EHBP1: variants seen among roughly 807,000 people sequenced by gnomAD.
The protein encoded by EHBP1 is EH domain-binding protein 1.
In EHBP1, 55 loss-of-function variants were observed where a neutral mutation model predicts 144.0. That is an observed-to-expected ratio of 0.38 (90% confidence interval 0.31 to 0.48). The LOEUF (loss-of-function observed/expected upper bound fraction) is 0.48. Among genes scored for constraint, EHBP1 ranks in the 20% least tolerant of loss-of-function variants. EHBP1 has a pLI of 0.98. For synonymous variants in EHBP1, 469 were observed against 472.7 expected, an observed-to-expected ratio of 0.99 and a Z score of 0.10; for missense variants, 1,200 against 1,364.2, an observed-to-expected ratio of 0.88 and a Z score of 1.90.
At chr2:62,853,676 A>C (rs1488086103) in intron 7 of EHBP1, among the ~76,000 whole-genome samples, 1 of 152,206 alleles carries the variant, frequency 6.6e-6, no homozygotes, top group East Asian at 1.9e-4. Context: ...AGGAATCACT[A>C]CCTATGAGAG....
chr2:62,958,759 C>T (rs2057848606), intron 14 of EHBP1, among the ~76,000 whole-genome samples: 1 of 151,962 alleles, frequency 6.6e-6, no homozygotes, highest in Admixed American at 6.6e-5. Flanking sequence ...ACGTAGTATG[C>T]TAAGAATAAA....
intron 5 of EHBP1, among the ~76,000 whole-genome samples, chr2:62,806,320 A>T (rs1044650155): frequency 1.3e-5 from 2 of 151,316 alleles, no homozygotes; most frequent in African/African-American, 2.4e-5. Flanking sequence ...TGTTCTTTAT[A>T]TCTGTTTTTG....
intron 8 of EHBP1, among the ~76,000 whole-genome samples, chr2:62,862,296 C>T (rs114939515): frequency 0.014 from 2,130 of 152,168 alleles, 58 homozygotes; most frequent in African/African-American, 0.049. Flanking sequence ...GTACAGTATA[C>T]GTGGTTTGAC....
intron 2 of EHBP1, among the ~76,000 whole-genome samples, chr2:62,731,202 T>G (rs2037563715): frequency 6.6e-6 from 1 of 151,888 alleles, no homozygotes; most frequent in Admixed American, 6.5e-5. Context: ...CAATTCCAAT[T>G]GGTAAATTCC....
At chr2:62,833,034 T>G (rs939433991) in intron 7 of EHBP1, among the ~76,000 whole-genome samples, 1 of 152,098 alleles carries the variant, frequency 6.6e-6, no homozygotes, top group African/African-American at 2.4e-5. Context: ...TCTACCCCAG[T>G]GAACACAGAA....
intron 10 of EHBP1, among the ~76,000 whole-genome samples, chr2:62,879,502 A>G (rs1020151125): frequency 2.0e-5 from 3 of 151,254 alleles, no homozygotes; most frequent in Non-Finnish European, 4.4e-5. Context: ...TCTATATAAC[A>G]TTCAAGCTGA....
intron 9 of EHBP1, among the ~76,000 whole-genome samples, chr2:62,874,111 C>G (rs2050694222): frequency 6.6e-6 from 1 of 152,012 alleles, no homozygotes; most frequent in Non-Finnish European, 1.5e-5. Flanking sequence ...ATAGTTTGAG[C>G]TGAATGTGAC....
intron 5 of EHBP1, 140 bp downstream of exon 5, chr2:62,771,532 T>C: frequency 5.0e-6 from 3 of 597,716 alleles, no homozygotes; most frequent in Non-Finnish European, 8.4e-6. Flanking sequence ...AGAATGTTTT[T>C]AATGAAATGA....
rs570216264 is a variant in EHBP1, at chr2:62,884,630, A to G, written c.1185+10098A>G. Among the ~76,000 whole-genome samples the G allele has an allele frequency of 4.1e-4, 63 of 152,350 alleles. No homozygotes were observed. The South Asian group carries it at 0.012, about 28-fold the overall frequency. On this transcript the variant is annotated intron_variant, in intron 10 of 22. Transcript: ENST00000431489. ...TTGCCAAACCAAAAGGAAGGAAATC[A>G]CCAACTACACAATTATGTGTGAGAT...
At chr2:62,849,689 A>T (rs934977912) in intron 7 of EHBP1, among the ~76,000 whole-genome samples, 5 of 152,170 alleles carry the variant, frequency 3.3e-5, no homozygotes, top group Non-Finnish European at 7.4e-5. Flanking sequence ...AAGTATTATG[A>T]CTCATTCGGT....
Position 63,032,261 on chromosome 2 carries a change from TA to T in EHBP1, c.3104-5259del, listed in dbSNP as rs920748022. Among the ~76,000 whole-genome samples the T allele has an allele frequency of 6.3e-3, 845 of 135,000 alleles. 3 individuals are homozygous for T. The highest frequency in any genetic ancestry group is 0.011 in the Middle Eastern group (3 of 266). 88.6% of individuals were successfully genotyped at this position (135,000 alleles called of 152,430 possible). A position where few individuals can be genotyped will look rare whatever the true frequency, so the allele number is the denominator to read the frequency against. ...TAAAAAATAAATAAATAAAATGATT[TA>T]AAAAAAAAAAAAAAGGTCAGTTCAG... On this transcript the variant is annotated intron_variant, in intron 19 of 22. Transcript: ENST00000431489.
chr2:62,709,184 G>A (rs569519735), intron 2 of EHBP1, among the ~76,000 whole-genome samples: 15 of 152,124 alleles, frequency 9.9e-5, no homozygotes, highest in Non-Finnish European at 2.2e-4. Flanking sequence ...CAGTGGCAAA[G>A]GGAATGGAGA....
intron 2 of EHBP1, among the ~76,000 whole-genome samples, chr2:62,744,552 G>C (rs868629538): frequency 6.6e-6 from 1 of 151,900 alleles, no homozygotes; most frequent in African/African-American, 2.4e-5. Flanking sequence ...TTAAATAGTC[G>C]ACTGATTTCT....
rs796484641 is a variant in EHBP1 at position 62,692,763 on chromosome 2, TAGTA to T, written c.-295-14133_-295-14130del. 4.5e-4 allele frequency among the ~76,000 whole-genome samples: 68 copies of T among 152,180 alleles called. 1 individual carries two copies. The highest frequency in any genetic ancestry group is 1.5e-3 in the African/African-American group (61 of 41,536). On this transcript the variant is annotated intron_variant, in intron 1 of 22. Coordinates refer to the EHBP1 transcript ENST00000405015. ...TTTTTTTTTAATTTTTGTGGGCACA[TAGTA>T]GGTGTATATATTTATGGGGTACCTG... is the stretch of plus-strand genomic sequence containing the variant.
intron 19 of EHBP1, among the ~76,000 whole-genome samples, chr2:63,014,449 A>G (rs2060400174): frequency 6.6e-6 from 1 of 152,248 alleles, no homozygotes; most frequent in Non-Finnish European, 1.5e-5. Flanking sequence ...GGGCATAAAT[A>G]ACAACATAAA....
intron 10 of EHBP1, among the ~76,000 whole-genome samples, chr2:62,904,763 C>T (rs1264923599): frequency 6.6e-6 from 1 of 152,196 alleles, no homozygotes; most frequent in Non-Finnish European, 1.5e-5. Context: ...AAGACTATTA[C>T]TCTAACTTTT....
chr2:62,804,596 T>C (rs1446537903), intron 5 of EHBP1, among the ~76,000 whole-genome samples: 2 of 152,226 alleles, frequency 1.3e-5, no homozygotes, highest in African/African-American at 4.8e-5. Flanking sequence ...AACTAACGTA[T>C]ATTTAAAATC....
intron 8 of EHBP1, among the ~76,000 whole-genome samples, chr2:62,863,796 C>A (rs1469034230): frequency 1.5e-5 from 1 of 67,172 alleles, no homozygotes; most frequent in Non-Finnish European, 3.4e-5. Flanking sequence ...ATTTCCTGTT[C>A]TTTTTATTTT....
chr2:62,925,125 T>C (rs1206617551), intron 10 of EHBP1, among the ~76,000 whole-genome samples: 1 of 152,144 alleles, frequency 6.6e-6, no homozygotes, highest in Admixed American at 6.5e-5. Context: ...ATCATCTCAA[T>C]AGGTATAGAA....
Sources: allele counts gnomAD v4.1 joint callset (sites outside exome capture counted in the v4.1 genomes callset), GRCh38; gene constraint gnomAD v4.1.1; transcripts MANE v1.5; gene names NCBI Gene and HGNC (gene_info 2026-07-23, HGNC 2026-07-21).